The following COL18A1 variants were observed in gnomAD, a reference collection of about 807,000 sequenced individuals.
COL18A1 encodes the protein collagen type XVIII alpha 1 chain.
A neutral mutation model predicts 168.0 loss-of-function variants in COL18A1; 133 were observed. That is an observed-to-expected ratio of 0.79 (90% CI 0.69 to 0.91). The LOEUF is 0.91. Ranked by LOEUF, COL18A1 falls within the 40% of genes least tolerant of loss-of-function variation. COL18A1 has a pLI of 0.00. For synonymous variants in COL18A1, 949 were observed against 809.0 expected (o/e 1.17, Z -2.94); for missense variants, 2,126 against 1,925.4 (o/e 1.10, Z -1.95).
At chr21:45,506,152 G>A (rs769403754) in intron 37 of COL18A1, 186 bp downstream of exon 37, 4 of 844,190 alleles carry the variant, frequency 4.7e-6, no homozygotes, top group South Asian at 1.6e-5. Context: ...TGGGTTTAAA[G>A]AAAAGTGAGC....
At chr21:45,482,528 G>T (rs891101765) in intron 14 of COL18A1, among the ~76,000 whole-genome samples, 1 of 152,090 alleles carries the variant, frequency 6.6e-6, no homozygotes, top group Non-Finnish European at 1.5e-5. Context: ...GGCCCTTCTT[G>T]GGGAGGCATC....
intron 15 of COL18A1, among the ~76,000 whole-genome samples, chr21:45,483,411 G>A (rs1266056841): frequency 6.6e-6 from 1 of 152,132 alleles, no homozygotes; most frequent in African/African-American, 2.4e-5. Flanking sequence ...GCCTTCCTTC[G>A]GGCAGCCTGA....
chr21:45,450,119 G>A (rs776438126), intron 2 of COL18A1, among the ~76,000 whole-genome samples: 1 of 152,174 alleles, frequency 6.6e-6, no homozygotes, highest in Non-Finnish European at 1.5e-5. Context: ...CAGGGCCCAG[G>A]TTTCGCTCCC....
intron 9 of COL18A1, among the ~76,000 whole-genome samples, chr21:45,478,673 C>G (rs2035770020): frequency 6.9e-6 from 1 of 145,506 alleles, no homozygotes; most frequent in Admixed American, 6.9e-5. Context: ...GGGGGTGGTG[C>G]AAGTCGGCGG....
intron 2 of COL18A1, among the ~76,000 whole-genome samples, chr21:45,426,611 C>T (rs2033811154): frequency 6.6e-6 from 1 of 152,208 alleles, no homozygotes; most frequent in South Asian, 2.1e-4. Flanking sequence ...CCCTGGAAGC[C>T]CCCAGAAACC....
In COL18A1 at chr21:45,489,832, T is replaced by TC. The variant is rs570641501; in HGVS notation, c.1959+316dup. Among the ~76,000 whole-genome samples the TC allele has an allele frequency of 2.9e-3, 265 of 91,046 alleles. 2 individuals carry two copies. Among genetic ancestry groups the TC allele is most frequent in the African/African-American group, 0.011 (246 of 22,648 alleles). The allele number at this position is 91,046 out of a possible 152,430, so 59.7% of individuals were successfully genotyped here. On this transcript the variant is annotated intron_variant, in intron 19 of 41. Coordinates refer to ENST00000651438, the MANE Select transcript of COL18A1 (RefSeq NM_001379500.1). ...CGCCTCTCCCTCCTTTTCCCCGACT[T>TC]CCCCCTCCCCCACACTGCCTCCCCC... is the stretch of plus-strand genomic sequence containing the variant.
At chr21:45,441,194 C>T (rs1041048961) in intron 2 of COL18A1, among the ~76,000 whole-genome samples, 1 of 152,182 alleles carries the variant, frequency 6.6e-6, no homozygotes, top group Non-Finnish European at 1.5e-5. Flanking sequence ...CACCACAGCT[C>T]CCCTACACAC....
chr21:45,501,212 T>C (rs1442084453), intron 32 of COL18A1, among the ~76,000 whole-genome samples: 1 of 151,956 alleles, frequency 6.6e-6, no homozygotes, highest in Non-Finnish European at 1.5e-5. Context: ...AATTGAGTAA[T>C]TCTACATTTC....
intron 2 of COL18A1, among the ~76,000 whole-genome samples, chr21:45,434,362 A>G (rs1203844597): frequency 6.6e-6 from 1 of 152,118 alleles, no homozygotes; most frequent in African/African-American, 2.4e-5. Context: ...CAGTTCAGAA[A>G]CCAGGTACCT....
At chr21:45,431,345 CCG>C (rs2033953234) in intron 2 of COL18A1, among the ~76,000 whole-genome samples, 1 of 151,662 alleles carries the variant, frequency 6.6e-6, no homozygotes, top group South Asian at 2.1e-4. Flanking sequence ...GTGTGTGGAC[CCG>C]GCGGCCCAGG....
intron 2 of COL18A1, among the ~76,000 whole-genome samples, chr21:45,418,758 G>T: frequency 6.6e-6 from 1 of 152,182 alleles, no homozygotes; most frequent in East Asian, 1.9e-4. Context: ...ACCTCCTCAG[G>T]GGCCTCCAAG....
chr21:45,491,190 A>C, intron 21 of COL18A1, 35 bp from the exon 22 acceptor site: 1 of 1,558,836 alleles, frequency 6.4e-7, no homozygotes, highest in Non-Finnish European at 8.8e-7. Flanking sequence ...AGAGCGGTTG[A>C]GATGAAATGC....
intron 2 of COL18A1, among the ~76,000 whole-genome samples, chr21:45,466,519 GT>G (rs1354615970): frequency 6.6e-6 from 1 of 152,238 alleles, no homozygotes; most frequent in African/African-American, 2.4e-5. Flanking sequence ...TCGAAATGGG[GT>G]TCAGGCATTT....
In COL18A1 at chr21:45,457,164, G is replaced by A. The variant is rs558461212; in HGVS notation, c.107-11078G>A. On this transcript the variant is annotated intron_variant, in intron 2 of 41. Coordinates refer to ENST00000651438, the MANE Select transcript of COL18A1 (RefSeq NM_001379500.1). This position sits in a 1 kb window ranked among gnomAD's most constrained non-coding sequence, Gnocchi z 4.6. ...TTTTAGCGCATTTAGTCCTCAGCAC[G>A]GTCCCGAGATACCCTGCCATGCCCC... 3.3e-5 allele frequency among the ~76,000 whole-genome samples: 5 copies of A among 152,202 alleles called. No homozygotes were observed. The highest frequency in any genetic ancestry group is 3.9e-4 in the East Asian group (2 of 5,184).
chr21:45,501,747 CCGG>C (rs2146044738), intron 32 of COL18A1, among the ~76,000 whole-genome samples: 2 of 111,126 alleles, frequency 1.8e-5, no homozygotes, highest in East Asian at 5.6e-4. Context: ...GGCTCCACAG[CCGG>C]TCACCTCCCT....
intron 2 of COL18A1, chr21:45,456,969 T>C: frequency 9.3e-7 from 1 of 1,080,804 alleles, no homozygotes; most frequent in Non-Finnish European, 1.2e-6. Context: ...TGGTACAGGT[T>C]CCCCCCACAT....
intron 3 of COL18A1, among the ~76,000 whole-genome samples, chr21:45,470,247 T>C (rs751582384): frequency 6.6e-6 from 1 of 152,222 alleles, no homozygotes; most frequent in Non-Finnish European, 1.5e-5. Flanking sequence ...TTTTGTCACT[T>C]GTTTATTGTC....
chr21:45,440,824 A>C (rs940511813), intron 2 of COL18A1, among the ~76,000 whole-genome samples: 1 of 152,156 alleles, frequency 6.6e-6, no homozygotes, highest in African/African-American at 2.4e-5. Flanking sequence ...ACCTGGAGCT[A>C]GGAACTGGCC....
At chr21:45,464,937 A>G (rs1180288688) in intron 2 of COL18A1, among the ~76,000 whole-genome samples, 1 of 152,200 alleles carries the variant, frequency 6.6e-6, no homozygotes, top group African/African-American at 2.4e-5. Context: ...GGCTCTGCCC[A>G]CCACAGTTTG....
Sources: allele counts gnomAD v4.1 joint callset (sites outside exome capture counted in the v4.1 genomes callset), GRCh38; gene constraint gnomAD v4.1.1; non-coding constraint Gnocchi (gnomAD v3.1); transcripts MANE v1.5; gene names NCBI Gene and HGNC (gene_info 2026-07-23, HGNC 2026-07-21).